Variants in GARNL3 observed in about 807,000 individuals in gnomAD.
GARNL3 encodes the protein GTPase-activating Rap/Ran-GAP domain-like protein 3.
Under a neutral mutation model 125.0 loss-of-function variants are expected in GARNL3, and 63 were observed. The ratio of observed to expected loss-of-function variants is 0.50; its 90% CI spans 0.41 to 0.62. The LOEUF (loss-of-function observed/expected upper bound fraction) is 0.62. Ranked by LOEUF, GARNL3 falls within the 20% of genes least tolerant of loss-of-function variation. GARNL3 has a pLI of 0.00. For synonymous variants in GARNL3, 439 were observed against 457.5 expected, an observed-to-expected ratio of 0.96 and a Z score of 0.52; for missense variants, 994 against 1,244.0, an observed-to-expected ratio of 0.80 and a Z score of 3.02.
At chr9:127,291,904 C>T (rs1352162793) in intron 2 of GARNL3, among the ~76,000 whole-genome samples, 1 of 152,034 alleles carries the variant, frequency 6.6e-6, no homozygotes, top group Non-Finnish European at 1.5e-5. Context: ...CCCCAGCCAC[C>T]CTGAGCCTCA....
intron 2 of GARNL3, among the ~76,000 whole-genome samples, chr9:127,250,632 G>C (rs2063384641): frequency 6.6e-6 from 1 of 152,196 alleles, no homozygotes; most frequent in South Asian, 2.1e-4. Context: ...TGGAGGTTTG[G>C]TTTGGAGAGT....
intron 7 of GARNL3, among the ~76,000 whole-genome samples, chr9:127,328,209 T>G (rs762785939): frequency 1.3e-5 from 2 of 152,162 alleles, no homozygotes; most frequent in Non-Finnish European, 2.9e-5. Flanking sequence ...ATTTTTCAAT[T>G]TTATTTCCTT....
chr9:127,231,050 A>ATATATATATATTTT (rs1161629810), intron 1 of GARNL3, among the ~76,000 whole-genome samples: 1 of 89,580 alleles, frequency 1.1e-5, no homozygotes, highest in African/African-American at 7.9e-5. Context: ...ATATATATAT[A>ATATATATATATTTT]TTTTTTTTTT....
chr9:127,376,101 A>G (rs1316451176), intron 22 of GARNL3, among the ~76,000 whole-genome samples: 2 of 152,158 alleles, frequency 1.3e-5, no homozygotes, highest in African/African-American at 2.4e-5. Context: ...CTGGGATTAC[A>G]GGCACACACC....
intron 11 of GARNL3, 115 bp downstream of exon 11, chr9:127,336,351 A>G: frequency 1.5e-6 from 1 of 648,660 alleles, no homozygotes; most frequent in South Asian, 2.0e-5. Flanking sequence ...TGCTAGCTTT[A>G]GACTCACTTT....
chr9:127,247,931 A>G (rs1383342776), intron 2 of GARNL3, among the ~76,000 whole-genome samples: 1 of 152,106 alleles, frequency 6.6e-6, no homozygotes, highest in African/African-American at 2.4e-5. Flanking sequence ...CCTGTCCCCT[A>G]CTATCCTTCC....
chr9:127,321,771 G>A (rs1267737379), intron 6 of GARNL3, among the ~76,000 whole-genome samples: 1 of 152,202 alleles, frequency 6.6e-6, no homozygotes, highest in Non-Finnish European at 1.5e-5. Flanking sequence ...TGACAAGAGA[G>A]GAGGCTGGAG....
At chr9:127,227,670 G>A (rs547722362) in intron 1 of GARNL3, among the ~76,000 whole-genome samples, 74 of 151,962 alleles carry the variant, frequency 4.9e-4, no homozygotes, top group South Asian at 2.1e-3. Context: ...TACACTCAAT[G>A]CATTGGGAGG....
chr9:127,348,373 T>G (rs901371856), intron 16 of GARNL3, among the ~76,000 whole-genome samples: 4 of 152,236 alleles, frequency 2.6e-5, no homozygotes, highest in African/African-American at 9.6e-5. Flanking sequence ...TAGCTCTGTT[T>G]ACAGCTCTTG....
chr9:127,234,023 C>T (rs1329270427), intron 1 of GARNL3, among the ~76,000 whole-genome samples: 1 of 151,970 alleles, frequency 6.6e-6, no homozygotes, highest in Non-Finnish European at 1.5e-5. Context: ...TGTATCAGGC[C>T]CTTAAGTATT....
intron 2 of GARNL3, among the ~76,000 whole-genome samples, chr9:127,295,061 C>T (rs180722740): frequency 4.7e-4 from 72 of 152,310 alleles, no homozygotes; most frequent in African/African-American, 1.5e-3. Context: ...TTTCAATTTC[C>T]GGTCAGTTGC....
chr9:127,227,795 C>T (rs1376007497), intron 1 of GARNL3, among the ~76,000 whole-genome samples: 1 of 151,938 alleles, frequency 6.6e-6, no homozygotes, highest in Non-Finnish European at 1.5e-5. Flanking sequence ...TGGCACATGC[C>T]TGTAGTCTCA....
At chr9:127,389,216 G>T in intron 26 of GARNL3, 97 bp downstream of exon 26, 1 of 884,446 alleles carries the variant, frequency 1.1e-6, no homozygotes, top group South Asian at 1.6e-5. Flanking sequence ...AGTTTAAAAG[G>T]AAAGTTTCCT....
intron 6 of GARNL3, among the ~76,000 whole-genome samples, chr9:127,321,045 G>A (rs758637519): frequency 6.6e-5 from 10 of 152,286 alleles, no homozygotes; most frequent in East Asian, 1.9e-4. Flanking sequence ...CTCAATCCAC[G>A]AACCAATAGG....
Position 127,266,910 on chromosome 9 carries a change from A to G in GARNL3, c.144+1889A>G, listed in dbSNP as rs546730458. 6.6e-6 allele frequency among the ~76,000 whole-genome samples: 1 copy of G among 152,344 alleles called. No homozygotes were observed. Among genetic ancestry groups the G allele is most frequent in the East Asian group, 1.9e-4 (1 of 5,194 alleles). On this transcript the variant is annotated intron_variant, in intron 1 of 27. Transcript: ENST00000373387. This position sits in a 1 kb window ranked among gnomAD's most constrained non-coding sequence, Gnocchi z 4.0. Reference sequence around the variant, plus strand: ...GGGAAATCACAGAATATCAGAATGGAAAAGTACTTGAGAGCAGTGGTTCTC... The same window carrying G: ...GGGAAATCACAGAATATCAGAATGGGAAAGTACTTGAGAGCAGTGGTTCTC...
intron 7 of GARNL3, among the ~76,000 whole-genome samples, chr9:127,327,504 C>T (rs7873293): frequency 0.14 from 20,609 of 152,136 alleles, 1,795 homozygotes; most frequent in East Asian, 0.21. Flanking sequence ...GCGGGAGTTG[C>T]TTTTGGGCAG....
In GARNL3 at chr9:127,342,325, T is replaced by C. The variant is rs770501491; in HGVS notation, c.1242T>C (p.Asp414=). 3.1e-6 allele frequency: 5 copies of C among 1,600,270 alleles called. No homozygotes were observed. The highest frequency in any genetic ancestry group is 1.1e-5 in the South Asian group (1 of 90,752). The change falls in exon 14 of 28, where the codon GAT becomes GAC. Residue 414 remains aspartate, a synonymous_variant. Coordinates refer to ENST00000373387, the MANE Select transcript of GARNL3 (RefSeq NM_032293.5). Reference sequence around the variant, plus strand: ...CTTTACACCAGGATTTGATGCCAGATTTGCATAAGGTAATTCTGGGTCCAT... The same window carrying C: ...CTTTACACCAGGATTTGATGCCAGACTTGCATAAGGTAATTCTGGGTCCAT... ...IRSLHQDLMP[D]LHKNMLNRRS...
chr9:127,315,924 C>T (rs1163998433), intron 4 of GARNL3, among the ~76,000 whole-genome samples: 1 of 152,214 alleles, frequency 6.6e-6, no homozygotes, highest in Non-Finnish European at 1.5e-5. Flanking sequence ...ACAGGGTAAT[C>T]TTCGATGTGC....
At chr9:127,374,039 C>T (rs1313843783) in intron 22 of GARNL3, among the ~76,000 whole-genome samples, 4 of 151,940 alleles carry the variant, frequency 2.6e-5, no homozygotes, top group Non-Finnish European at 4.4e-5. Flanking sequence ...CGGTGCTTCA[C>T]GCCTGTAATC....
Sources: gnomAD v4.1 joint callset for allele counts (sites outside exome capture counted in the v4.1 genomes callset) on GRCh38, gnomAD v4.1.1 for gene constraint, Gnocchi (gnomAD v3.1) non-coding constraint, MANE v1.5 for transcripts, NCBI Gene and HGNC (gene_info 2026-07-23, HGNC 2026-07-21) for gene names.